Variants in KLF13 observed in about 807,000 individuals in gnomAD.
KLF13 encodes the protein Krueppel-like factor 13.
Under a neutral mutation model 16.7 loss-of-function variants are expected in KLF13, and 8 were observed. The observed-to-expected ratio is 0.48, with a 90% CI of 0.28 to 0.87. The LOEUF is 0.87. Among genes scored for constraint, KLF13 ranks in the 40% least tolerant of loss-of-function variants. The probability of loss-of-function intolerance (pLI) is 0.10; values close to 1 mark genes in which losing one functional copy is unlikely to be tolerated. For synonymous variants in KLF13, 245 were observed against 208.4 expected (o/e 1.18, Z -1.51); for missense variants, 447 against 452.2 (o/e 0.99, Z 0.10).
chr15:31,377,456 T>C lies in KLF13; in HGVS notation c.*5157T>C, dbSNP rs1388106140. The C allele has an allele frequency of 6.5e-6, 1 of 152,702 alleles. No homozygotes were observed. Among genetic ancestry groups the C allele is most frequent in the Non-Finnish European group, 1.5e-5 (1 of 68,090 alleles). 9.5% of individuals were successfully genotyped at this position (152,702 alleles called of 1,614,324 possible). ...TGACTGGGAATTGCTTGTGTGCATG[T>C]GTTGGGTGCATGCTTCCGGGTCTCA... On this transcript the variant is annotated 3_prime_UTR_variant, in exon 2 of 2. Transcript: ENST00000307145.
At chr15:31,347,480 G>A (rs1351255820) in intron 1 of KLF13, among the ~76,000 whole-genome samples, 2 of 152,198 alleles carry the variant, frequency 1.3e-5, no homozygotes, top group African/African-American at 4.8e-5. Context: ...TCAGGGGGCT[G>A]GGCTGGGGAG....
exon 3 of KLF13, chr15:31,403,792 C>CATAGTG (rs1176969754): frequency 2.6e-5 from 4 of 152,190 alleles, no homozygotes; most frequent in African/African-American, 9.7e-5. Flanking sequence ...ATTTTTTCAA[C>CATAGTG]CCATAGTCAG....
chr15:31,357,567 G>C (rs2039319149), intron 1 of KLF13, among the ~76,000 whole-genome samples: 1 of 152,216 alleles, frequency 6.6e-6, no homozygotes, highest in African/African-American at 2.4e-5. Flanking sequence ...CACACTGGGA[G>C]AGAAGCTGGG....
chr15:31,333,950 C>CA (rs2038881008), intron 1 of KLF13, among the ~76,000 whole-genome samples: 1 of 139,350 alleles, frequency 7.2e-6, no homozygotes, highest in African/African-American at 2.4e-5. Flanking sequence ...TCCATCGCCT[C>CA]ATGGGGGGGG....
chr15:31,341,009 G>T (rs1184760991), intron 1 of KLF13, among the ~76,000 whole-genome samples: 1 of 152,134 alleles, frequency 6.6e-6, no homozygotes, highest in African/African-American at 2.4e-5. Flanking sequence ...TGACAATTTG[G>T]GCTCTGGACC....
chr15:31,346,954 TG>T (rs1230006067), intron 1 of KLF13, among the ~76,000 whole-genome samples: 1 of 152,082 alleles, frequency 6.6e-6, no homozygotes, highest in Admixed American at 6.5e-5. Flanking sequence ...GTCCTGAGTC[TG>T]GGGGCAGGAG....
rs2039969174 is a variant in KLF13 at position 31,397,433 on chromosome 15, C to CG, written n.529+3743dup. Among the ~76,000 whole-genome samples the CG allele has an allele frequency of 3.3e-5, 5 of 152,364 alleles. 1 individual carries two copies. In the South Asian group the frequency reaches 1.0e-3, roughly 32 times the overall value. On this transcript the variant is annotated intron_variant and non_coding_transcript_variant, in intron 2 of 2. Coordinates refer to the KLF13 transcript ENST00000500533. ...GGTGGCGCCCTCTCCTCCTCAGTGA[C>CG]GCGCACTTGCAAAGGCTGCAGGCCA... is the stretch of plus-strand genomic sequence containing the variant.
upstream of KLF13, among the ~76,000 whole-genome samples, chr15:31,389,809 C>G (rs766378462): frequency 6.6e-6 from 1 of 152,176 alleles, no homozygotes; most frequent in Admixed American, 6.5e-5. Flanking sequence ...TTACATGTTA[C>G]TCACTGCACA....
At chr15:31,334,852 G>T (rs1279980637) in intron 1 of KLF13, among the ~76,000 whole-genome samples, 1 of 152,228 alleles carries the variant, frequency 6.6e-6, no homozygotes, top group African/African-American at 2.4e-5. Context: ...TGTGGCTGAG[G>T]TTGGGGTCAT....
rs368240920 is a variant in KLF13, at chr15:31,365,204, A to G, written c.578-6806A>G. On this transcript the variant is annotated intron_variant, in intron 1 of 1. Transcript: ENST00000307145. Reference sequence around the variant, plus strand: ...TGGCCTGGGAGCCTGAGGGCAAGCAATTTCTCTTTGGAAGCCTCTCCCTGT... The same window carrying G: ...TGGCCTGGGAGCCTGAGGGCAAGCAGTTTCTCTTTGGAAGCCTCTCCCTGT... Among the ~76,000 whole-genome samples, 12 of 152,144 alleles carry G rather than the reference A, an allele frequency of 7.9e-5. 1 individual carries two copies. The highest frequency in any genetic ancestry group is 5.9e-4 in the Admixed American group (9 of 15,292).
At chr15:31,415,600 A>G (rs112786589) in intron 1 of KLF13, among the ~76,000 whole-genome samples, 24 of 152,312 alleles carry the variant, frequency 1.6e-4, no homozygotes, top group African/African-American at 4.6e-4. Flanking sequence ...AGTGAAAACG[A>G]AGATACGACA....
Position 31,374,410 on chromosome 15 carries a change from A to G in KLF13, c.*2111A>G, listed in dbSNP as rs2039609891. 1.3e-5 allele frequency: 2 copies of G among 152,406 alleles called. No homozygotes were observed. The highest frequency in any genetic ancestry group is 2.9e-5 in the Non-Finnish European group (2 of 68,030). The allele number at this position is 152,406 out of a possible 1,614,324, so 9.4% of individuals were successfully genotyped here. A position where few individuals can be genotyped will look rare whatever the true frequency, so the allele number is the denominator to read the frequency against. On this transcript the variant is annotated 3_prime_UTR_variant, in exon 2 of 2. Coordinates refer to ENST00000307145, the MANE Select transcript of KLF13 (RefSeq NM_015995.4). ...GGGGCTCTCTGACCTCCCTGCTTGC[A>G]TTGGGTCTGGGAGAGAGAGTGGAAT...
intron 1 of KLF13, among the ~76,000 whole-genome samples, chr15:31,423,176 C>CGTATATATATACGTATATATACGT (rs149346729): frequency 1.8e-4 from 3 of 17,000 alleles, no homozygotes; most frequent in Non-Finnish European, 2.9e-4. Flanking sequence ...TATATATATA[C>CGTATATATATACGTATATATACGT]ATATATACGT....
At chr15:31,418,322 A>C (rs1170757148) in intron 1 of KLF13, among the ~76,000 whole-genome samples, 4 of 152,216 alleles carry the variant, frequency 2.6e-5, no homozygotes, top group African/African-American at 9.6e-5. Flanking sequence ...CATTTGAAGA[A>C]ATCAGAGAAA....
chr15:31,412,342 C>G (rs1489571629), intron 1 of KLF13, among the ~76,000 whole-genome samples: 2 of 152,016 alleles, frequency 1.3e-5, no homozygotes, highest in African/African-American at 4.8e-5. Context: ...GTTACTGCAG[C>G]CTGAATGGGC....
intron 1 of KLF13, among the ~76,000 whole-genome samples, chr15:31,331,345 G>A (rs2038828411): frequency 1.3e-5 from 2 of 152,214 alleles, no homozygotes; most frequent in South Asian, 4.1e-4. Context: ...ATCACATTCT[G>A]TCAGCCATTT....
At chr15:31,409,692 C>T (rs931987179), downstream of KLF13, among the ~76,000 whole-genome samples, 1 of 152,142 alleles carries the variant, frequency 6.6e-6, no homozygotes, top group Admixed American at 6.5e-5. Flanking sequence ...TGCACTTCAC[C>T]TCAGAAGCCA....
intron 1 of KLF13, chr15:31,420,140 G>A (rs2040303841): frequency 6.6e-6 from 3 of 456,084 alleles, no homozygotes; most frequent in Non-Finnish European, 1.2e-5. Flanking sequence ...GGTCTCCCAA[G>A]ACCATAACCC....
chr15:31,399,353 C>T (rs1268613590), intron 2 of KLF13, among the ~76,000 whole-genome samples: 3 of 152,098 alleles, frequency 2.0e-5, no homozygotes, highest in Admixed American at 6.5e-5. Context: ...TTAGTAGAGA[C>T]GGGGTTTCAT....
Sources: allele counts gnomAD v4.1 joint callset (sites outside exome capture counted in the v4.1 genomes callset), GRCh38; gene constraint gnomAD v4.1.1; transcripts MANE v1.5; gene names NCBI Gene and HGNC (gene_info 2026-07-23, HGNC 2026-07-21).